The following NUP210 variants were observed in gnomAD, a reference collection of about 807,000 sequenced individuals.
The protein encoded by NUP210 is nucleoporin 210, also known as nuclear pore membrane glycoprotein 210.
A neutral mutation model predicts 196.0 loss-of-function variants in NUP210; 151 were observed. The observed-to-expected ratio is 0.77, with a 90% CI of 0.67 to 0.88. The LOEUF (loss-of-function observed/expected upper bound fraction) is 0.88, where lower values mean the gene tolerates loss of function less well. Among genes scored for constraint, NUP210 ranks in the 40% least tolerant of loss-of-function variants. The pLI is 0.00. For synonymous variants in NUP210, 1,070 were observed against 1,052.7 expected, an observed-to-expected ratio of 1.02 and a Z score of -0.32; for missense variants, 2,314 against 2,493.7, an observed-to-expected ratio of 0.93 and a Z score of 1.53.
At chr3:13,403,404 T>G (rs1330313887) in intron 1 of NUP210, among the ~76,000 whole-genome samples, 1 of 152,168 alleles carries the variant, frequency 6.6e-6, no homozygotes, top group Non-Finnish European at 1.5e-5. Context: ...ATAAGGGCAC[T>G]AATCCCAACC....
At chr3:13,368,206 G>C (rs1323397457) in intron 13 of NUP210, among the ~76,000 whole-genome samples, 2 of 152,014 alleles carry the variant, frequency 1.3e-5, no homozygotes, top group Non-Finnish European at 2.9e-5. Context: ...CTCCTGATTA[G>C]TTGGGACTAC....
intron 8 of NUP210, among the ~76,000 whole-genome samples, 191 bp from the exon 9 acceptor site, chr3:13,377,753 T>C (rs1220995803): frequency 7.1e-6 from 1 of 141,128 alleles, no homozygotes; most frequent in Non-Finnish European, 1.5e-5. Flanking sequence ...TCCACCCACC[T>C]GCAGGCCCCA....
intron 33 of NUP210, among the ~76,000 whole-genome samples, chr3:13,324,859 TA>T (rs1696681628): frequency 6.6e-6 from 1 of 152,248 alleles, no homozygotes; most frequent in African/African-American, 2.4e-5. Context: ...GAGCACTGGC[TA>T]TGAGCTGAGC....
Position 13,379,022 on chromosome 3 carries a change from A to C in NUP210, c.977-42T>G. ...GGGGCAAGACATATGACAGCAAATA[A>C]ACCAGCTGGCTGGCCAGTTTCAGCT... On this transcript the variant is annotated intron_variant, in intron 7 of 39. Coordinates refer to ENST00000254508, the MANE Select transcript of NUP210 (RefSeq NM_024923.4). The surrounding 1 kb of genome is among the most constrained non-coding windows in gnomAD (Gnocchi z 4.2). 1 of 1,551,962 alleles carries C rather than the reference A, an allele frequency of 6.4e-7. No individual in the cohort carries two copies. Among genetic ancestry groups the C allele is most frequent in the Non-Finnish European group, 8.9e-7 (1 of 1,123,436 alleles).
chr3:13,392,947 C>A (rs1699538779), intron 3 of NUP210, among the ~76,000 whole-genome samples: 1 of 151,646 alleles, frequency 6.6e-6, no homozygotes, highest in South Asian at 2.1e-4. Flanking sequence ...CCCAGCAGGC[C>A]AGCTTTACAG....
chr3:13,343,342 G>GGGGGGGGGGGGT, intron 20 of NUP210, 39 bp from the exon 21 acceptor site: 23 of 655,974 alleles, frequency 3.5e-5, no homozygotes, highest in East Asian at 4.4e-5. Flanking sequence ...TGGGTGGTGG[G>GGGGGGGGGGGGT]TTACGCAGCT....
Position 13,325,837 on chromosome 3 carries a change from C to T in NUP210, c.4602G>A (p.Thr1534=), listed in dbSNP as rs552467572. ...VAVARAVGSV[T]VYYEVAGHLR... ...GGTGCCCAGCGACCTCATAGTAAAC[C>T]GTCACGGATCCCACGGCCCGGGCCA... Residue 1534 remains threonine (T), a synonymous_variant, in exon 33 of 40, where the codon ACG becomes ACA. Transcript: ENST00000254508. 2.2e-5 allele frequency: 36 copies of T among 1,613,964 alleles called. No individual in the cohort carries two copies. Among genetic ancestry groups the T allele is most frequent in the Middle Eastern group, 1.6e-4 (1 of 6,062 alleles).
intron 13 of NUP210, 122 bp from the exon 14 acceptor site, chr3:13,366,213 C>T: frequency 1.1e-6 from 1 of 922,722 alleles, no homozygotes; most frequent in Non-Finnish European, 1.6e-6. Context: ...ACTGCGACCT[C>T]CGCCTCCGGG....
In NUP210 at chr3:13,350,996, C is replaced by A. The variant is rs879212272; in HGVS notation, c.2835+883G>T. 6.6e-6 allele frequency among the ~76,000 whole-genome samples: 1 copy of A among 152,070 alleles called. No individual in the cohort carries two copies. The highest frequency in any genetic ancestry group is 1.5e-5 in the Non-Finnish European group (1 of 68,016). On this transcript the variant is annotated intron_variant, in intron 20 of 39. Transcript: ENST00000254508. This position sits in a 1 kb window ranked among gnomAD's most constrained non-coding sequence, Gnocchi z 4.1. Reference sequence around the variant, plus strand: ...TACAGGCATGAGCCACCGCACCCGGCCAGAAATTCTTAAATTGAAAAGTAT... The same window carrying A: ...TACAGGCATGAGCCACCGCACCCGGACAGAAATTCTTAAATTGAAAAGTAT...
In NUP210 at chr3:13,317,660, C is replaced by G. The variant is rs1236465275; in HGVS notation, c.*21G>C. ...GCACGAGGCTCGGCTGAGACCCATC[C>G]TCCGGGAACCTTCACGCGGCCTAGT... On this transcript the variant is annotated 3_prime_UTR_variant, in exon 40 of 40. Transcript: ENST00000254508. 3.9e-6 allele frequency: 6 copies of G among 1,557,756 alleles called. No homozygotes were observed. Among genetic ancestry groups the G allele is most frequent in the Non-Finnish European group, 5.3e-6 (6 of 1,139,536 alleles).
At position 13,330,578 on chromosome 3, in the gene NUP210, A is replaced by G. The variant is rs770564294; in HGVS notation, c.3992T>C (p.Val1331Ala). 1.2e-6 allele frequency: 2 copies of G among 1,614,182 alleles called. No individual in the cohort carries two copies. The highest frequency in any genetic ancestry group is 8.5e-7 in the Non-Finnish European group (1 of 1,180,026). ...RVLDGPEKVP[V>A]VHVDEKGFLA... ...AAAGCCTTTCTCATCAACATGCACA[A>G]CTGGAACCTTTTCGGGTCCATCCAG... The change falls in exon 30 of 40, where the codon GTT becomes GCT. Residue 1331 changes from valine (V) to alanine (A), a missense_variant. Coordinates refer to ENST00000254508, the MANE Select transcript of NUP210 (RefSeq NM_024923.4).
At chr3:13,376,799 C>T (rs143138540) in intron 9 of NUP210, among the ~76,000 whole-genome samples, 4 of 152,304 alleles carry the variant, frequency 2.6e-5, no homozygotes, top group Admixed American at 2.6e-4. Context: ...ACCATCCCAG[C>T]CCTTGTTTGA....
At position 13,347,316 on chromosome 3, in the gene NUP210, C is replaced by G; in HGVS notation, c.2836-4013G>C. The G allele has an allele frequency of 2.0e-6, 2 of 985,396 alleles. No homozygotes were observed. Among genetic ancestry groups the G allele is most frequent in the Non-Finnish European group, 2.4e-6 (2 of 829,900 alleles). The allele number at this position is 985,396 out of a possible 1,614,324, so 61.0% of individuals were successfully genotyped here. On this transcript the variant is annotated intron_variant, in intron 20 of 39. Coordinates refer to ENST00000254508, the MANE Select transcript of NUP210 (RefSeq NM_024923.4). This position sits in a 1 kb window ranked among gnomAD's most constrained non-coding sequence, Gnocchi z 4.7. The stretch of plus-strand genomic sequence containing the variant: ...ACGAGTTAATGGGAAATGTAAAGTG[C>G]CCAGCAGGCTCCTTCCCCTGCTCTG...
intron 18 of NUP210, 27 bp downstream of exon 18, chr3:13,353,527 C>T: frequency 1.3e-6 from 2 of 1,580,696 alleles, no homozygotes; most frequent in South Asian, 1.1e-5. Context: ...ACCCATAGCC[C>T]ACCCACCACT....
chr3:13,409,886 G>A (rs892186655), intron 1 of NUP210, among the ~76,000 whole-genome samples: 6 of 151,752 alleles, frequency 4.0e-5, no homozygotes, highest in Non-Finnish European at 7.4e-5. Flanking sequence ...ACCCAGGCTG[G>A]AGTGCAGTGG....
intron 11 of NUP210, among the ~76,000 whole-genome samples, chr3:13,374,755 G>T (rs915609429): frequency 2.0e-5 from 3 of 152,164 alleles, no homozygotes; most frequent in African/African-American, 7.2e-5. Flanking sequence ...GTCAGCGACT[G>T]CACCTCTGCT....
chr3:13,391,939 AT>A (rs1462815737), intron 3 of NUP210, among the ~76,000 whole-genome samples: 2 of 151,980 alleles, frequency 1.3e-5, no homozygotes, highest in Non-Finnish European at 2.9e-5. Context: ...CAGATGCCAC[AT>A]GCAAGTCTAG....
At chr3:13,381,005 A>AG (rs1440034392) in intron 6 of NUP210, among the ~76,000 whole-genome samples, 1 of 152,228 alleles carries the variant, frequency 6.6e-6, no homozygotes, top group Non-Finnish European at 1.5e-5. Flanking sequence ...GCTGGGCTCC[A>AG]GCAAGCTTTG....
intron 13 of NUP210, among the ~76,000 whole-genome samples, chr3:13,367,580 T>C (rs1034594689): frequency 6.6e-6 from 1 of 152,106 alleles, no homozygotes; most frequent in Non-Finnish European, 1.5e-5. Context: ...ACCCTTCTGG[T>C]ATTTGGCCTT....
Sources: gnomAD v4.1 joint callset for allele counts (sites outside exome capture counted in the v4.1 genomes callset) on GRCh38, gnomAD v4.1.1 for gene constraint, Gnocchi (gnomAD v3.1) non-coding constraint, MANE v1.5 for transcripts, NCBI Gene and HGNC (gene_info 2026-07-23, HGNC 2026-07-21) for gene names.